The following FGF14 variants were observed in gnomAD, a reference collection of about 807,000 sequenced individuals.
FGF14 encodes fibroblast growth factor homologous factor 4.
A neutral mutation model predicts 25.5 loss-of-function variants in FGF14; 5 were observed. The observed-to-expected ratio is 0.20, with a 90% CI of 0.10 to 0.41. The LOEUF (loss-of-function observed/expected upper bound fraction) is 0.41, where lower values mean the gene tolerates loss of function less well. Among genes scored for constraint, FGF14 ranks in the 10% least tolerant of loss-of-function variants. The pLI, the probability that FGF14 is intolerant of heterozygous loss-of-function variation, is 1.00. For missense variants in FGF14, 222 were observed against 320.1 expected, an observed-to-expected ratio of 0.69 and a Z score of 2.34; for synonymous variants, 138 against 118.3, an observed-to-expected ratio of 1.17 and a Z score of -1.08.
intron 1 of FGF14, among the ~76,000 whole-genome samples, chr13:102,345,852 G>A (rs1358488694): frequency 6.6e-6 from 1 of 152,194 alleles, no homozygotes; most frequent in African/African-American, 2.4e-5. Flanking sequence ...GGAAAAGGGT[G>A]TTAATCAGGA....
intron 1 of FGF14, among the ~76,000 whole-genome samples, chr13:102,351,370 C>T (rs972884219): frequency 6.6e-6 from 1 of 151,754 alleles, no homozygotes; most frequent in African/African-American, 2.4e-5. Context: ...AAATTACATT[C>T]TTTATTCAGG....
At chr13:102,313,497 C>T (rs933749857) in intron 1 of FGF14, among the ~76,000 whole-genome samples, 1 of 151,786 alleles carries the variant, frequency 6.6e-6, no homozygotes, top group Non-Finnish European at 1.5e-5. Context: ...CCCGATTTTA[C>T]AGGAAATGGT....
chr13:102,401,744 G>A, exon 1 of FGF14: 2 of 1,314,824 alleles, frequency 1.5e-6, no homozygotes, highest in Non-Finnish European at 2.2e-6. Flanking sequence ...ATTTCTTTGA[G>A]ACTTCTCAGT....
At position 101,710,867 on chromosome 13, in the gene FGF14, T is replaced by C. The variant is rs987846412; in HGVS notation, c.*11964A>G. On this transcript the variant is annotated 3_prime_UTR_variant, in exon 5 of 5. Coordinates refer to ENST00000376143, the MANE Select transcript of FGF14 (RefSeq NM_004115.4). The stretch of plus-strand genomic sequence containing the variant: ...ATAGCCAAGACAATAAATCACTCCA[T>C]AGAAAAATTTAAAACAAGATACATT... The C allele has an allele frequency of 9.2e-5, 14 of 152,182 alleles. No homozygotes were observed. The highest frequency in any genetic ancestry group is 7.9e-4 in the Admixed American group (12 of 15,282). 9.4% of individuals were successfully genotyped at this position (152,182 alleles called of 1,614,324 possible). A position where few individuals can be genotyped will look rare whatever the true frequency, so the allele number is the denominator to read the frequency against.
chr13:101,717,762 T>C lies in FGF14; in HGVS notation c.*5069A>G, dbSNP rs1259531890. ...CATACAAAAGCAACTTAAGGGTGGATTTGGCTGGCAGCTGGGCAGTACTTT... is the reference window on the plus strand; with the variant it reads ...CATACAAAAGCAACTTAAGGGTGGACTTGGCTGGCAGCTGGGCAGTACTTT... On this transcript the variant is annotated 3_prime_UTR_variant, in exon 5 of 5. Transcript: ENST00000376143. 2.0e-5 allele frequency: 3 copies of C among 152,132 alleles called. No individual in the cohort carries two copies. The highest frequency in any genetic ancestry group is 7.2e-5 in the African/African-American group (3 of 41,442). 9.4% of individuals were successfully genotyped at this position (152,132 alleles called of 1,614,324 possible).
intron 1 of FGF14, among the ~76,000 whole-genome samples, chr13:101,968,854 C>CT (rs10623595): frequency 0.042 from 5,497 of 132,100 alleles, 206 homozygotes; most frequent in Non-Finnish European, 0.06. Flanking sequence ...CATCAACAGC[C>CT]TTTTTTTTTT....
intron 1 of FGF14, among the ~76,000 whole-genome samples, chr13:102,189,319 C>A (rs74109518): frequency 0.015 from 2,288 of 152,102 alleles, 56 homozygotes; most frequent in African/African-American, 0.051. Context: ...TTGAACAGAG[C>A]AGTGATAAAA....
intron 1 of FGF14, among the ~76,000 whole-genome samples, chr13:102,271,254 T>G (rs2085012559): frequency 6.6e-6 from 1 of 152,212 alleles, no homozygotes; most frequent in Non-Finnish European, 1.5e-5. Context: ...TTTAACAATT[T>G]TTATATCTCA....
At position 101,974,809 on chromosome 13, in the gene FGF14, A is replaced by G. The variant is rs1223562225; in HGVS notation, c.209-99513T>C. Among the ~76,000 whole-genome samples the G allele has an allele frequency of 3.3e-5, 5 of 152,202 alleles. No individual in the cohort carries two copies. In the East Asian group the frequency reaches 5.8e-4, roughly 18 times the overall value. ...ATAATACGCAAAATCAAATTACCAC[A>G]TAATGTACCACACAGATATCCAACA... is the stretch of plus-strand genomic sequence containing the variant. On this transcript the variant is annotated intron_variant, in intron 1 of 4. Coordinates refer to the FGF14 transcript ENST00000376131.
intron 3 of FGF14, among the ~76,000 whole-genome samples, chr13:101,816,422 A>G (rs2041854036): frequency 6.6e-6 from 1 of 152,134 alleles, no homozygotes. Context: ...ATTCACCTAA[A>G]AGTGAAATTA....
At position 101,916,673 on chromosome 13, in the gene FGF14, G is replaced by A; in HGVS notation, c.-28C>T. 4.1e-6 allele frequency: 6 copies of A among 1,474,032 alleles called. No individual in the cohort carries two copies. Among genetic ancestry groups the A allele is most frequent in the Non-Finnish European group, 5.4e-6 (6 of 1,111,498 alleles). The allele number at this position is 1,474,032 out of a possible 1,614,324, so 91.3% of individuals were successfully genotyped here. A position where few individuals can be genotyped will look rare whatever the true frequency, so the allele number is the denominator to read the frequency against. On this transcript the variant is annotated 5_prime_UTR_variant, in exon 1 of 5. Transcript: ENST00000376143. Reference sequence around the variant, plus strand: ...TGGCCCCGGGAACGGGTCCGGGGAGGGAGGGCGCGGGAGGACGGCGAGCCG... The same window carrying A: ...TGGCCCCGGGAACGGGTCCGGGGAGAGAGGGCGCGGGAGGACGGCGAGCCG...
intron 3 of FGF14, among the ~76,000 whole-genome samples, chr13:101,792,994 T>C (rs1247893708): frequency 6.6e-6 from 1 of 152,128 alleles, no homozygotes; most frequent in South Asian, 2.1e-4. Context: ...TCACCTCAAA[T>C]ATTTGACATT....
intron 1 of FGF14, chr13:102,393,950 G>C (rs1566984482): frequency 6.6e-6 from 1 of 152,282 alleles, no homozygotes; most frequent in East Asian, 1.9e-4. Flanking sequence ...ATACAGGGAA[G>C]GGGTGAGGGA....
intron 3 of FGF14, among the ~76,000 whole-genome samples, chr13:101,729,526 T>G (rs1340331585): frequency 6.6e-6 from 1 of 152,120 alleles, no homozygotes; most frequent in Non-Finnish European, 1.5e-5. Flanking sequence ...TGTGTGTTCT[T>G]GGGGAAATTA....
At chr13:102,137,904 C>T (rs574293539) in intron 1 of FGF14, among the ~76,000 whole-genome samples, 1 of 146,550 alleles carries the variant, frequency 6.8e-6, no homozygotes, top group Non-Finnish European at 1.5e-5. Context: ...AGGTGGGCCT[C>T]AGTCCAGGGT....
At chr13:102,272,653 G>A (rs2053306891) in intron 1 of FGF14, among the ~76,000 whole-genome samples, 1 of 152,068 alleles carries the variant, frequency 6.6e-6, no homozygotes, top group Non-Finnish European at 1.5e-5. Flanking sequence ...ATGAAACTCT[G>A]CAGTAGAAAT....
chr13:101,970,482 C>T (rs528196863), intron 1 of FGF14, among the ~76,000 whole-genome samples: 2 of 152,186 alleles, frequency 1.3e-5, no homozygotes, highest in South Asian at 2.1e-4. Context: ...AAACAATACC[C>T]CAAGGCATGC....
At chr13:101,746,587 T>C (rs1349489760) in intron 3 of FGF14, among the ~76,000 whole-genome samples, 1 of 152,036 alleles carries the variant, frequency 6.6e-6, no homozygotes, top group Non-Finnish European at 1.5e-5. Context: ...ATGAAGCTAC[T>C]TATTTTCCCT....
At chr13:102,027,296 T>C (rs1339452874) in intron 1 of FGF14, among the ~76,000 whole-genome samples, 1 of 151,128 alleles carries the variant, frequency 6.6e-6, no homozygotes, top group African/African-American at 2.4e-5. Flanking sequence ...TTACATATAA[T>C]ATAGATAATG....
Sources: gnomAD v4.1 joint callset for allele counts (sites outside exome capture counted in the v4.1 genomes callset) on GRCh38, gnomAD v4.1.1 for gene constraint, MANE v1.5 for transcripts, NCBI Gene and HGNC (gene_info 2026-07-23, HGNC 2026-07-21) for gene names.